The following TBC1D9 variants were observed in gnomAD, a reference collection of about 807,000 sequenced individuals.
The protein encoded by TBC1D9 is TBC1 domain family member 9A.
TBC1D9 carries 63 observed loss-of-function variants against 132.0 expected under a neutral mutation model. The ratio of observed to expected loss-of-function variants is 0.48; its 90% CI spans 0.39 to 0.59. The LOEUF is 0.59. TBC1D9 is among the 20% of genes least tolerant of loss of function. TBC1D9 has a pLI of 0.00. For synonymous variants in TBC1D9, 610 were observed against 609.9 expected (o/e 1.00, Z 0.00); for missense variants, 1,261 against 1,592.7 (o/e 0.79, Z 3.54).
At chr4:140,627,387 T>G in intron 18 of TBC1D9, 54 bp downstream of exon 18, 1 of 1,158,886 alleles carries the variant, frequency 8.6e-7, no homozygotes. Flanking sequence ...TTTCCAATAA[T>G]GGAGGGCTCG....
chr4:140,642,924 T>G lies in TBC1D9; in HGVS notation c.2338-3496A>C, dbSNP rs554200629. On this transcript the variant is annotated intron_variant, in intron 13 of 20. Coordinates refer to ENST00000442267, the MANE Select transcript of TBC1D9 (RefSeq NM_015130.3). ...CCTGTCCTCGGAGTCCCGGCGCCGCTGCAGCTTCACCAGCTCATGCTGCTT... is the reference window on the plus strand; with the variant it reads ...CCTGTCCTCGGAGTCCCGGCGCCGCGGCAGCTTCACCAGCTCATGCTGCTT... 33 of 603,656 alleles carry G rather than the reference T, an allele frequency of 5.5e-5. No individual in the cohort carries two copies. The South Asian group carries it at 6.9e-4, about 13-fold the overall frequency. 37.4% of individuals were successfully genotyped at this position (603,656 alleles called of 1,614,324 possible).
At chr4:140,670,096 T>C (rs1371380507) in intron 7 of TBC1D9, among the ~76,000 whole-genome samples, 1 of 152,220 alleles carries the variant, frequency 6.6e-6, no homozygotes, top group Non-Finnish European at 1.5e-5. Context: ...TTTGCATGTA[T>C]GCAAAGCATG....
chr4:140,694,174 T>C (rs1187346982), intron 2 of TBC1D9, among the ~76,000 whole-genome samples: 1 of 152,162 alleles, frequency 6.6e-6, no homozygotes, highest in African/African-American at 2.4e-5. Flanking sequence ...GAATATTCAC[T>C]AAGATTGTTC....
intron 1 of TBC1D9, among the ~76,000 whole-genome samples, chr4:140,721,147 G>A (rs756460517): frequency 6.6e-5 from 10 of 152,066 alleles, no homozygotes; most frequent in Non-Finnish European, 1.3e-4. Flanking sequence ...TGGGGAACAT[G>A]GTCTCCATTT....
intron 3 of TBC1D9, among the ~76,000 whole-genome samples, chr4:140,682,164 C>T (rs1287609066): frequency 6.6e-6 from 1 of 152,122 alleles, no homozygotes; most frequent in East Asian, 1.9e-4. Context: ...TTGGAGTTAG[C>T]AATGCCTGAG....
rs566342026 is a variant in TBC1D9 at position 140,679,443 on chromosome 4, G to T, written c.589+172C>A. The stretch of plus-strand genomic sequence containing the variant: ...ACCTTTAGTGAATCTTTATTACTTA[G>T]TGACCATTTTGAACTGAAAAATAAT... On this transcript the variant is annotated intron_variant, in intron 4 of 20. Transcript: ENST00000442267. Among the ~76,000 whole-genome samples the T allele has an allele frequency of 1.9e-4, 29 of 152,044 alleles. No homozygotes were observed. The South Asian group carries it at 4.4e-3, about 23-fold the overall frequency.
At chr4:140,640,276 G>T (rs1736962774) in intron 13 of TBC1D9, among the ~76,000 whole-genome samples, 1 of 152,012 alleles carries the variant, frequency 6.6e-6, no homozygotes, top group South Asian at 2.1e-4. Flanking sequence ...GGCAACAGGG[G>T]GAAGAAAGGG....
At chr4:140,753,037 C>T (rs920754340) in intron 1 of TBC1D9, among the ~76,000 whole-genome samples, 1 of 152,284 alleles carries the variant, frequency 6.6e-6, no homozygotes, top group Admixed American at 6.5e-5. Context: ...TCCTCACAGG[C>T]AGATCTTTTT....
chr4:140,691,971 G>C (rs902976907), intron 2 of TBC1D9, among the ~76,000 whole-genome samples: 5 of 152,116 alleles, frequency 3.3e-5, no homozygotes, highest in East Asian at 1.9e-4. Flanking sequence ...AAGGTTTAAG[G>C]CTCCACTGAT....
intron 15 of TBC1D9, among the ~76,000 whole-genome samples, chr4:140,635,663 T>C (rs1399234959): frequency 1.3e-5 from 2 of 151,940 alleles, no homozygotes; most frequent in Non-Finnish European, 2.9e-5. Flanking sequence ...GGAATTGTAG[T>C]GAAAAAGCTA....
At chr4:140,648,340 T>C (rs1737134196) in intron 13 of TBC1D9, among the ~76,000 whole-genome samples, 2 of 152,096 alleles carry the variant, frequency 1.3e-5, no homozygotes, top group South Asian at 4.1e-4. Flanking sequence ...AATTTTTCAG[T>C]TTAATTTCTA....
intron 10 of TBC1D9, among the ~76,000 whole-genome samples, chr4:140,659,964 T>C (rs781614726): frequency 1.3e-5 from 2 of 152,206 alleles, no homozygotes; most frequent in Admixed American, 6.5e-5. Flanking sequence ...TTAACACCAA[T>C]ATTCACCAGA....
intron 1 of TBC1D9, among the ~76,000 whole-genome samples, chr4:140,731,966 C>T (rs995700917): frequency 2.0e-5 from 3 of 152,096 alleles, no homozygotes; most frequent in African/African-American, 7.2e-5. Flanking sequence ...ATGGGTGGTG[C>T]TGAAATCTAG....
chr4:140,691,962 A>G (rs1737884047), intron 2 of TBC1D9, among the ~76,000 whole-genome samples: 1 of 152,220 alleles, frequency 6.6e-6, no homozygotes, highest in South Asian at 2.1e-4. Context: ...TTAAGAACAA[A>G]GGTTTAAGGC....
intron 2 of TBC1D9, among the ~76,000 whole-genome samples, chr4:140,699,711 A>G (rs985040127): frequency 6.6e-6 from 1 of 152,224 alleles, no homozygotes; most frequent in Non-Finnish European, 1.5e-5. Context: ...GTTGTACCAG[A>G]TGGGATACTG....
At chr4:140,721,397 T>A (rs1313665867) in intron 1 of TBC1D9, among the ~76,000 whole-genome samples, 1 of 152,208 alleles carries the variant, frequency 6.6e-6, no homozygotes, top group African/African-American at 2.4e-5. Flanking sequence ...TTATTATCCC[T>A]ATTTGATGAA....
chr4:140,728,961 G>A (rs886072535), intron 1 of TBC1D9, among the ~76,000 whole-genome samples: 1 of 152,140 alleles, frequency 6.6e-6, no homozygotes, highest in Non-Finnish European at 1.5e-5. Flanking sequence ...ACTGGACCAG[G>A]TCGAAATCTA....
chr4:140,682,224 C>T lies in TBC1D9; in HGVS notation c.361-2381G>A, dbSNP rs190973013. Among the ~76,000 whole-genome samples, 7 of 152,258 alleles carry T rather than the reference C, an allele frequency of 4.6e-5. No individual in the cohort carries two copies. The East Asian group carries it at 1.4e-3, about 29-fold the overall frequency. On this transcript the variant is annotated intron_variant, in intron 3 of 20. Transcript: ENST00000442267. ...TCTGTTCCTCTGTCATACTGGAGGG[C>T]ATTATGGATAGCAATAGAAGTAGCA... is the stretch of plus-strand genomic sequence containing the variant.
chr4:140,737,355 A>G (rs998579014), intron 1 of TBC1D9, among the ~76,000 whole-genome samples: 2 of 151,764 alleles, frequency 1.3e-5, no homozygotes, highest in Admixed American at 1.3e-4. Context: ...TTCTTATTCC[A>G]TGCCCTGTTC....
Sources: gnomAD v4.1 joint callset for allele counts (sites outside exome capture counted in the v4.1 genomes callset) on GRCh38, gnomAD v4.1.1 for gene constraint, MANE v1.5 for transcripts, NCBI Gene and HGNC (gene_info 2026-07-23, HGNC 2026-07-21) for gene names.